Variants in FHIP1A observed in about 807,000 individuals in gnomAD.
FHIP1A encodes FHF complex subunit HOOK-interacting protein 1A.
Under a neutral mutation model 88.6 loss-of-function variants are expected in FHIP1A, and 61 were observed. The observed-to-expected ratio is 0.69, with a 90% CI of 0.56 to 0.85. The LOEUF is 0.85. Ranked by LOEUF, FHIP1A falls within the 40% of genes least tolerant of loss-of-function variation. The pLI, the probability that FHIP1A is intolerant of heterozygous loss-of-function variation, is 0.00. For missense variants in FHIP1A, 1,154 were observed against 1,273.5 expected, an observed-to-expected ratio of 0.91 and a Z score of 1.43; for synonymous variants, 478 against 496.0, an observed-to-expected ratio of 0.96 and a Z score of 0.48.
chr4:151,458,123 T>C (rs1411298225), intron 2 of FHIP1A, among the ~76,000 whole-genome samples: 1 of 152,232 alleles, frequency 6.6e-6, no homozygotes, highest in Non-Finnish European at 1.5e-5. Context: ...GAGATGAAAC[T>C]GAGGCTTAGA....
At chr4:151,614,775 G>A (rs540142152) in intron 7 of FHIP1A, among the ~76,000 whole-genome samples, 1 of 152,334 alleles carries the variant, frequency 6.6e-6, no homozygotes, top group African/African-American at 2.4e-5. Context: ...AGGGCCAGAA[G>A]TTAATGCTTC....
chr4:151,495,944 G>A (rs935183339), intron 3 of FHIP1A, among the ~76,000 whole-genome samples: 2 of 151,920 alleles, frequency 1.3e-5, no homozygotes, highest in African/African-American at 4.8e-5. Flanking sequence ...TTCTTACAAT[G>A]ATTATATATT....
chr4:151,646,439 G>T, intron 9 of FHIP1A, 119 bp from the exon 10 acceptor site: 2 of 637,642 alleles, frequency 3.1e-6, no homozygotes, highest in Non-Finnish European at 5.5e-6. Flanking sequence ...GATCAATTGA[G>T]AGCTGAGAGA....
At chr4:151,518,347 C>G (rs1731324420) in intron 3 of FHIP1A, among the ~76,000 whole-genome samples, 1 of 152,058 alleles carries the variant, frequency 6.6e-6, no homozygotes, top group Non-Finnish European at 1.5e-5. Flanking sequence ...ACTGTACTAT[C>G]TAGGTTTATG....
intron 7 of FHIP1A, among the ~76,000 whole-genome samples, chr4:151,617,915 A>G (rs977034986): frequency 6.6e-6 from 1 of 152,154 alleles, no homozygotes; most frequent in Admixed American, 6.5e-5. Context: ...TTCATCTGTT[A>G]GGTCTCAATA....
chr4:151,500,922 A>G (rs1730628523), intron 3 of FHIP1A, among the ~76,000 whole-genome samples: 2 of 152,352 alleles, frequency 1.3e-5, no homozygotes, highest in East Asian at 1.9e-4. Context: ...TTTTTAGCTG[A>G]CAAAAATTGC....
chr4:151,481,484 T>A (rs546038885), intron 2 of FHIP1A, among the ~76,000 whole-genome samples: 52 of 152,134 alleles, frequency 3.4e-4, no homozygotes, highest in African/African-American at 1.2e-3. Flanking sequence ...TTATTGGCAT[T>A]TAAATCGTTT....
chr4:151,478,787 AAC>A (rs1729799415), intron 2 of FHIP1A, among the ~76,000 whole-genome samples: 13 of 152,162 alleles, frequency 8.5e-5, no homozygotes, highest in Admixed American at 8.5e-4. Flanking sequence ...ACTTAAAAAA[AAC>A]ACCTTATGAG....
chr4:151,458,288 G>C (rs551545298), intron 2 of FHIP1A, among the ~76,000 whole-genome samples: 98 of 152,302 alleles, frequency 6.4e-4, no homozygotes, highest in Middle Eastern at 3.4e-3. Context: ...AAGCTACTCA[G>C]AGTGTTGGCA....
chr4:151,431,296 C>A (rs1256406297), intron 1 of FHIP1A, among the ~76,000 whole-genome samples: 1 of 152,026 alleles, frequency 6.6e-6, no homozygotes, highest in African/African-American at 2.4e-5. Context: ...AGCCCTGGCC[C>A]GCCACTCCCT....
At chr4:151,460,520 A>T (rs186062388) in intron 2 of FHIP1A, among the ~76,000 whole-genome samples, 12 of 152,252 alleles carry the variant, frequency 7.9e-5, no homozygotes, top group Non-Finnish European at 7.3e-5. Context: ...TATCTTGCAC[A>T]CAGTGCAAAC....
intron 1 of FHIP1A, among the ~76,000 whole-genome samples, chr4:151,422,325 A>G (rs1733203680): frequency 2.0e-5 from 3 of 152,034 alleles, no homozygotes; most frequent in Non-Finnish European, 2.9e-5. Context: ...AGTGCATGAC[A>G]TTCAATAAAT....
At chr4:151,412,762 G>A (rs552756976) in intron 1 of FHIP1A, among the ~76,000 whole-genome samples, 12 of 145,400 alleles carry the variant, frequency 8.3e-5, no homozygotes, top group Admixed American at 4.2e-4. Flanking sequence ...TCAGCTCACC[G>A]CAACCTCTGC....
At chr4:151,439,297 A>C (rs1416912427) in intron 1 of FHIP1A, among the ~76,000 whole-genome samples, 1 of 152,102 alleles carries the variant, frequency 6.6e-6, no homozygotes, top group African/African-American at 2.4e-5. Flanking sequence ...GGACTAAAGG[A>C]GTTTATTATT....
Position 151,650,299 on chromosome 4 carries a change from C to T in FHIP1A, c.2258C>T (p.Ala753Val). The T allele has an allele frequency of 6.4e-7, 1 of 1,551,688 alleles. No homozygotes were observed. The highest frequency in any genetic ancestry group is 8.7e-7 in the Non-Finnish European group (1 of 1,146,994). The part of the protein sequence containing the change: ...AAHPESEELI[A>V]QYDQIIKELD... ...CACCCGGAGAGCGAGGAGCTCATTG[C>T]CCAGTATGACCAAATCATTAAAGAG... is the stretch of plus-strand genomic sequence containing the variant. The change falls in exon 11 of 14, where the codon GCC (alanine) becomes GTC (valine). Residue 753 changes from alanine to valine, a missense_variant. Ala to Val is a moderately conservative substitution (Grantham distance 64). Transcript: ENST00000435205.
At chr4:151,633,636 AATG>A (rs1274160458) in intron 8 of FHIP1A, among the ~76,000 whole-genome samples, 12 of 151,994 alleles carry the variant, frequency 7.9e-5, no homozygotes, top group Non-Finnish European at 1.5e-4. Flanking sequence ...CCTAGAATGC[AATG>A]ATACTTCACC....
At chr4:151,577,363 G>T (rs1733832212) in intron 4 of FHIP1A, 87 bp from the exon 5 acceptor site, 2 of 1,301,694 alleles carry the variant, frequency 1.5e-6, no homozygotes, top group East Asian at 2.5e-5. Context: ...CTGCATTTTT[G>T]GTGACAATTT....
chr4:151,507,130 C>G (rs959234214), intron 3 of FHIP1A, among the ~76,000 whole-genome samples: 6 of 152,168 alleles, frequency 3.9e-5, no homozygotes, highest in South Asian at 4.1e-4. Context: ...CCTGCCCCCC[C>G]ACTTTTTTTT....
At chr4:151,499,606 CT>C (rs1730578314) in intron 3 of FHIP1A, among the ~76,000 whole-genome samples, 1 of 152,170 alleles carries the variant, frequency 6.6e-6, no homozygotes, top group Admixed American at 6.5e-5. Context: ...TTAGTCCACT[CT>C]CATGCTGCTA....
Sources: allele counts gnomAD v4.1 joint callset (sites outside exome capture counted in the v4.1 genomes callset), GRCh38; gene constraint gnomAD v4.1.1; transcripts MANE v1.5; gene names NCBI Gene and HGNC (gene_info 2026-07-23, HGNC 2026-07-21).